Variants in GNAI1 observed in about 807,000 individuals in gnomAD.
The protein encoded by GNAI1 is guanine nucleotide-binding protein G(i) subunit alpha-1.
A neutral mutation model predicts 38.9 loss-of-function variants in GNAI1; 11 were observed. The observed-to-expected ratio is 0.28, with a 90% CI of 0.18 to 0.47. GNAI1 has a LOEUF of 0.47. Ranked by LOEUF, GNAI1 falls within the 20% of genes least tolerant of loss-of-function variation. GNAI1 has a pLI of 0.99. For missense variants in GNAI1, 317 were observed against 436.9 expected (o/e 0.73, Z 2.45); for synonymous variants, 166 against 145.1 (o/e 1.14, Z -1.04).
chr7:80,180,417 G>C (rs921924090), intron 1 of GNAI1, among the ~76,000 whole-genome samples: 1 of 151,964 alleles, frequency 6.6e-6, no homozygotes, highest in African/African-American at 2.4e-5. Flanking sequence ...AATTGCACTT[G>C]CGATATGATT....
chr7:80,155,305 T>C (rs1368134527), intron 1 of GNAI1, among the ~76,000 whole-genome samples: 1 of 152,228 alleles, frequency 6.6e-6, no homozygotes, highest in African/African-American at 2.4e-5. Flanking sequence ...GAATTGTTTT[T>C]TTCTTACATA....
intron 3 of GNAI1, among the ~76,000 whole-genome samples, chr7:80,197,051 G>C (rs993389513): frequency 3.3e-5 from 5 of 151,548 alleles, no homozygotes; most frequent in Non-Finnish European, 7.4e-5. Flanking sequence ...CTGCTACTTT[G>C]TATTCTTTCA....
Position 80,134,947 on chromosome 7 carries a change from G to T in GNAI1, c.-214G>T. ...ACTTGGGGGCGCTGAGCCGGGCCGG[G>T]AAGCAGAGCCTGGTCGTGAGGAACA... On this transcript the variant is annotated 5_prime_UTR_variant, in exon 1 of 8. Coordinates refer to ENST00000649796, the MANE Select transcript of GNAI1 (RefSeq NM_002069.6). 1 of 391,920 alleles carries T rather than the reference G, an allele frequency of 2.6e-6. No individual in the cohort carries two copies. Among genetic ancestry groups the T allele is most frequent in the Non-Finnish European group, 4.5e-6 (1 of 222,360 alleles). 24.3% of individuals were successfully genotyped at this position (391,920 alleles called of 1,614,324 possible). A position where few individuals can be genotyped will look rare whatever the true frequency, so the allele number is the denominator to read the frequency against.
intron 1 of GNAI1, among the ~76,000 whole-genome samples, chr7:80,150,704 A>C (rs933049618): frequency 1.3e-5 from 2 of 152,316 alleles, no homozygotes; most frequent in African/African-American, 4.8e-5. Context: ...AGATATTTTT[A>C]TGTGACTGAA....
At chr7:80,143,250 A>T (rs78607760) in intron 1 of GNAI1, among the ~76,000 whole-genome samples, 1,968 of 152,298 alleles carry the variant, frequency 0.013, 24 homozygotes, top group East Asian at 0.064. Context: ...ACATAAAGAT[A>T]AGTCCTCATA....
At chr7:80,137,293 C>CTTTTTTTTTTTTTTTTTTTT (rs377362596) in intron 1 of GNAI1, among the ~76,000 whole-genome samples, 1 of 95,252 alleles carries the variant, frequency 1.0e-5, no homozygotes, top group African/African-American at 4.1e-5. Context: ...TTTCTTTTTT[C>CTTTTTTTTTTTTTTTTTTTT]TTTTTTTTTT....
chr7:80,195,995 C>A (rs1788563031), intron 3 of GNAI1, among the ~76,000 whole-genome samples: 1 of 151,930 alleles, frequency 6.6e-6, no homozygotes. Flanking sequence ...AAAGTCTTCT[C>A]CTCCCATCCT....
intron 3 of GNAI1, among the ~76,000 whole-genome samples, chr7:80,190,951 A>G (rs1043280109): frequency 5.5e-5 from 8 of 145,004 alleles, no homozygotes; most frequent in Admixed American, 2.8e-4. Flanking sequence ...CTCAAGCTCT[A>G]TTTTTTTTTT....
intron 4 of GNAI1, among the ~76,000 whole-genome samples, chr7:80,200,336 A>AAAAAAAAAAAAAAAAG (rs1232196370): frequency 6.7e-6 from 1 of 149,922 alleles, no homozygotes; most frequent in African/African-American, 2.5e-5. Context: ...AAAAAAAAAA[A>AAAAAAAAAAAAAAAAG]AAAAAAAAAA....
chr7:80,195,311 T>C (rs1788549050), intron 3 of GNAI1, among the ~76,000 whole-genome samples: 1 of 152,036 alleles, frequency 6.6e-6, no homozygotes, highest in Non-Finnish European at 1.5e-5. Flanking sequence ...CTCTGCAATT[T>C]AGTTAAAATT....
chr7:80,143,104 T>G (rs769002842), intron 1 of GNAI1, among the ~76,000 whole-genome samples: 27 of 152,220 alleles, frequency 1.8e-4, no homozygotes, highest in Non-Finnish European at 3.5e-4. Context: ...CTTTATGTCT[T>G]GCTTGTTCCT....
intron 4 of GNAI1, among the ~76,000 whole-genome samples, chr7:80,202,753 G>A (rs949716343): frequency 6.6e-6 from 1 of 152,134 alleles, no homozygotes; most frequent in Non-Finnish European, 1.5e-5. Context: ...CTGCGGTGAT[G>A]GTCTCTACAT....
intron 1 of GNAI1, among the ~76,000 whole-genome samples, chr7:80,142,293 C>G (rs1248684586): frequency 6.6e-6 from 1 of 152,154 alleles, no homozygotes; most frequent in Non-Finnish European, 1.5e-5. Flanking sequence ...ATTCTCCAGT[C>G]CCTCATAATT....
intron 1 of GNAI1, among the ~76,000 whole-genome samples, chr7:80,156,262 T>C (rs546391700): frequency 1.3e-5 from 2 of 152,278 alleles, no homozygotes; most frequent in South Asian, 4.1e-4. Flanking sequence ...ATGTACCATT[T>C]ATCCTGTTAA....
At chr7:80,194,176 A>G (rs1343593741) in intron 3 of GNAI1, among the ~76,000 whole-genome samples, 1 of 152,190 alleles carries the variant, frequency 6.6e-6, no homozygotes, top group African/African-American at 2.4e-5. Context: ...TATTTAAAAA[A>G]TCTTTGCTAA....
At chr7:80,179,737 C>G (rs529845478) in intron 1 of GNAI1, among the ~76,000 whole-genome samples, 1 of 152,150 alleles carries the variant, frequency 6.6e-6, no homozygotes, top group Admixed American at 6.5e-5. Context: ...AGCAGTTATG[C>G]CAGAGAATCA....
chr7:80,184,125 T>C (rs1452168917), intron 1 of GNAI1, among the ~76,000 whole-genome samples: 1 of 152,178 alleles, frequency 6.6e-6, no homozygotes, highest in Non-Finnish European at 1.5e-5. Context: ...GTAGCGAATC[T>C]GATGCATCTG....
chr7:80,166,759 A>G (rs1349896989), intron 1 of GNAI1, among the ~76,000 whole-genome samples: 1 of 152,180 alleles, frequency 6.6e-6, no homozygotes, highest in African/African-American at 2.4e-5. Context: ...CTACTGTCAT[A>G]GATTGGGGAT....
At chr7:80,153,145 G>T (rs1296133840) in intron 1 of GNAI1, among the ~76,000 whole-genome samples, 4 of 151,974 alleles carry the variant, frequency 2.6e-5, no homozygotes, top group Admixed American at 2.6e-4. Flanking sequence ...TCCTATCATT[G>T]ACAGGCCAGC....
Sources: allele counts gnomAD v4.1 joint callset (sites outside exome capture counted in the v4.1 genomes callset), GRCh38; gene constraint gnomAD v4.1.1; transcripts MANE v1.5; gene names NCBI Gene and HGNC (gene_info 2026-07-23, HGNC 2026-07-21).